Variants in JARID2 observed in about 807,000 individuals in gnomAD.
JARID2 encodes the protein protein Jumonji.
Under a neutral mutation model 125.6 loss-of-function variants are expected in JARID2, and 21 were observed. That is an observed-to-expected ratio of 0.17 (90% CI 0.12 to 0.24). The LOEUF (loss-of-function observed/expected upper bound fraction) is 0.24, where lower values mean the gene tolerates loss of function less well. JARID2 is among the 10% of genes least tolerant of loss of function. The pLI, the probability that JARID2 is intolerant of heterozygous loss-of-function variation, is 1.00. For synonymous variants in JARID2, 736 were observed against 661.6 expected (o/e 1.11, Z -1.73); for missense variants, 1,303 against 1,639.6 (o/e 0.79, Z 3.55).
chr6:15,376,355 A>G (rs1377840720), intron 2 of JARID2, among the ~76,000 whole-genome samples: 1 of 152,072 alleles, frequency 6.6e-6, no homozygotes, highest in Non-Finnish European at 1.5e-5. Flanking sequence ...GTTATTCTGT[A>G]TGTGGGATTT....
intron 3 of JARID2, among the ~76,000 whole-genome samples, chr6:15,413,921 T>A (rs1448282255): frequency 1.3e-5 from 2 of 152,196 alleles, no homozygotes; most frequent in African/African-American, 2.4e-5. Context: ...ACATGAACTT[T>A]GGGGGCCACA....
chr6:15,383,922 G>A (rs1424425554), intron 2 of JARID2, among the ~76,000 whole-genome samples: 1 of 152,206 alleles, frequency 6.6e-6, no homozygotes, highest in East Asian at 1.9e-4. Context: ...AGCCTCCTGA[G>A]TAGCTGGGAT....
chr6:15,313,088 G>A (rs1762069074), intron 1 of JARID2, among the ~76,000 whole-genome samples: 1 of 152,138 alleles, frequency 6.6e-6, no homozygotes, highest in Non-Finnish European at 1.5e-5. Flanking sequence ...AATCTTCTTG[G>A]AAAAGAATTC....
At chr6:15,316,157 C>G (rs1762173547) in intron 1 of JARID2, among the ~76,000 whole-genome samples, 1 of 152,022 alleles carries the variant, frequency 6.6e-6, no homozygotes, top group South Asian at 2.1e-4. Context: ...TCACTCTTGC[C>G]AAGGCTGGAG....
Position 15,520,726 on chromosome 6 carries a change from C to A in JARID2, c.*475C>A. On this transcript the variant is annotated 3_prime_UTR_variant, in exon 18 of 18. Coordinates refer to ENST00000341776, the MANE Select transcript of JARID2 (RefSeq NM_004973.4). ...ACACACGAAACTTGAAATGGCTTTGCTTTGGCTGTCGTCTTCTGCCGTGTG... is the reference window on the plus strand; with the variant it reads ...ACACACGAAACTTGAAATGGCTTTGATTTGGCTGTCGTCTTCTGCCGTGTG... The A allele has an allele frequency of 2.2e-6, 1 of 455,288 alleles. No homozygotes were observed. The highest frequency in any genetic ancestry group is 4.4e-6 in the Non-Finnish European group (1 of 226,354). The allele number at this position is 455,288 out of a possible 1,614,324, so 28.2% of individuals were successfully genotyped here.
intron 2 of JARID2, among the ~76,000 whole-genome samples, chr6:15,403,009 A>G (rs1765498544): frequency 6.6e-6 from 1 of 152,114 alleles, no homozygotes; most frequent in Non-Finnish European, 1.5e-5. Flanking sequence ...AGTCATTATT[A>G]TTATTCTAGG....
At chr6:15,351,118 G>A (rs1262775043) in intron 1 of JARID2, among the ~76,000 whole-genome samples, 2 of 152,084 alleles carry the variant, frequency 1.3e-5, no homozygotes, top group Non-Finnish European at 2.9e-5. Flanking sequence ...TTTGGTTAAC[G>A]AAGAGGATGT....
chr6:15,410,075 C>A, intron 2 of JARID2, 149 bp from the exon 3 acceptor site: 1 of 625,948 alleles, frequency 1.6e-6, no homozygotes, highest in African/African-American at 1.8e-5. Context: ...TTGCTTTTCT[C>A]CACCCATTCA....
At chr6:15,479,518 A>G (rs1483581331) in intron 5 of JARID2, among the ~76,000 whole-genome samples, 1 of 152,226 alleles carries the variant, frequency 6.6e-6, no homozygotes, top group Non-Finnish European at 1.5e-5. Flanking sequence ...AAAATATTAC[A>G]GAATTTAAGT....
chr6:15,415,820 G>A (rs1301167568), intron 3 of JARID2, among the ~76,000 whole-genome samples: 1 of 104,422 alleles, frequency 9.6e-6, no homozygotes, highest in Admixed American at 1.0e-4. Flanking sequence ...CGGGCGGGGG[G>A]CTGACCCCCC....
At chr6:15,466,138 CTCATTTGTGGAGTTTATT>C (rs1447974620) in intron 4 of JARID2, among the ~76,000 whole-genome samples, 1 of 152,166 alleles carries the variant, frequency 6.6e-6, no homozygotes. Flanking sequence ...CTCACATGGC[CTCATTTGTGGAGTTTATT>C]TCCTTTGCAA....
intron 1 of JARID2, among the ~76,000 whole-genome samples, chr6:15,312,947 G>C (rs1271702264): frequency 6.6e-6 from 1 of 152,120 alleles, no homozygotes; most frequent in Non-Finnish European, 1.5e-5. Flanking sequence ...ACTGACCCAA[G>C]CCTTGTTGTT....
chr6:15,426,080 A>C (rs1766713769), intron 3 of JARID2, among the ~76,000 whole-genome samples: 1 of 152,186 alleles, frequency 6.6e-6, no homozygotes, highest in African/African-American at 2.4e-5. Context: ...GGTGCAGTGC[A>C]GTTATAGTAA....
intron 1 of JARID2, among the ~76,000 whole-genome samples, chr6:15,322,185 A>G (rs543610055): frequency 6.6e-6 from 1 of 152,316 alleles, no homozygotes; most frequent in South Asian, 2.1e-4. Context: ...TGTAATTTCA[A>G]ATATCCAAAC....
chr6:15,353,827 C>T (rs893062106), intron 1 of JARID2, among the ~76,000 whole-genome samples: 5 of 152,158 alleles, frequency 3.3e-5, no homozygotes, highest in African/African-American at 1.2e-4. Flanking sequence ...GTTGGAGCCA[C>T]CAGTTATTTT....
At chr6:15,418,628 G>C (rs924369442) in intron 3 of JARID2, among the ~76,000 whole-genome samples, 3 of 152,124 alleles carry the variant, frequency 2.0e-5, no homozygotes, top group Non-Finnish European at 4.4e-5. Flanking sequence ...GTCTCTAAAG[G>C]GATGTAACTT....
intron 1 of JARID2, among the ~76,000 whole-genome samples, chr6:15,357,958 T>C (rs749435819): frequency 4.6e-5 from 7 of 152,224 alleles, no homozygotes; most frequent in Non-Finnish European, 1.0e-4. Context: ...TTGTTTATGA[T>C]GTTTTTGTGC....
chr6:15,454,035 C>T (rs1003248815), intron 4 of JARID2, among the ~76,000 whole-genome samples: 4 of 152,110 alleles, frequency 2.6e-5, no homozygotes, highest in African/African-American at 2.4e-5. Flanking sequence ...TATTAAAATC[C>T]GTGAGTTAGC....
Position 15,520,744 on chromosome 6 carries a change from G to A in JARID2, c.*493G>A, listed in dbSNP as rs1239528572. On this transcript the variant is annotated 3_prime_UTR_variant, in exon 18 of 18. Coordinates refer to ENST00000341776, the MANE Select transcript of JARID2 (RefSeq NM_004973.4). Reference sequence around the variant, plus strand: ...GGCTTTGCTTTGGCTGTCGTCTTCTGCCGTGTGCCAGATGAGCTTGTGATC... The same window carrying A: ...GGCTTTGCTTTGGCTGTCGTCTTCTACCGTGTGCCAGATGAGCTTGTGATC... The A allele has an allele frequency of 6.6e-6, 3 of 455,886 alleles. No individual in the cohort carries two copies. The highest frequency in any genetic ancestry group is 3.1e-5 in the South Asian group (2 of 64,556). 28.2% of individuals were successfully genotyped at this position (455,886 alleles called of 1,614,324 possible). A position where few individuals can be genotyped will look rare whatever the true frequency, so the allele number is the denominator to read the frequency against.
Sources: gnomAD v4.1 joint callset for allele counts (sites outside exome capture counted in the v4.1 genomes callset) on GRCh38, gnomAD v4.1.1 for gene constraint, MANE v1.5 for transcripts, NCBI Gene and HGNC (gene_info 2026-07-23, HGNC 2026-07-21) for gene names.